LACTBL1: variants seen among roughly 807,000 people sequenced by gnomAD.
LACTBL1 encodes beta-lactamase-like protein 1.
Under a neutral mutation model 39.6 loss-of-function variants are expected in LACTBL1, and 29 were observed. The ratio of observed to expected loss-of-function variants is 0.73; its 90% CI spans 0.55 to 1.00. The LOEUF is 1.00. Ranked by LOEUF, LACTBL1 falls within the 50% of genes least tolerant of loss-of-function variation. LACTBL1 has a pLI of 0.00. For synonymous variants in LACTBL1, 361 were observed against 360.7 expected (o/e 1.00, Z -0.01); for missense variants, 711 against 748.5 (o/e 0.95, Z 0.59).
chr1:22,953,871 C>G, exon 6 of LACTBL1: 1 of 1,549,016 alleles, frequency 6.5e-7, no homozygotes, highest in Non-Finnish European at 8.7e-7. Flanking sequence ...CGGCCAGGCG[C>G]GCGCGCACGT....
chr1:22,969,477 T>A (rs1640915954), upstream of LACTBL1, among the ~76,000 whole-genome samples: 1 of 152,036 alleles, frequency 6.6e-6, no homozygotes, highest in Admixed American at 6.5e-5. Context: ...AACCCTGCAC[T>A]CTCTTCCACA....
chr1:22,958,508 T>C (rs921834997), intron 4 of LACTBL1, among the ~76,000 whole-genome samples, 177 bp downstream of exon 6: 1 of 152,242 alleles, frequency 6.6e-6, no homozygotes, highest in Non-Finnish European at 1.5e-5. Flanking sequence ...TCAGTTCAGC[T>C]TTTACCTCGA....
chr1:22,965,097 C>T (rs1041536551), intron 1 of LACTBL1, among the ~76,000 whole-genome samples, 193 bp downstream of exon 3: 1 of 152,118 alleles, frequency 6.6e-6, no homozygotes, highest in African/African-American at 2.4e-5. Context: ...ACGAGGACAT[C>T]GAGGCACAGA....
At chr1:22,967,923 G>A (rs2124242971), upstream of LACTBL1, among the ~76,000 whole-genome samples, 1 of 152,232 alleles carries the variant, frequency 6.6e-6, no homozygotes, top group East Asian at 1.9e-4. Context: ...CTGACTGGAT[G>A]AAAATAAAAC....
chr1:22,955,575 C>G (rs1018330626), intron 4 of LACTBL1, 149 bp from the exon 7 acceptor site: 1 of 611,212 alleles, frequency 1.6e-6, no homozygotes, highest in Non-Finnish European at 2.9e-6. Flanking sequence ...AGCGTGGACT[C>G]CAGTCCTGCC....
chr1:22,954,820 G>A (rs943383180), intron 5 of LACTBL1, among the ~76,000 whole-genome samples: 3 of 152,182 alleles, frequency 2.0e-5, no homozygotes, highest in African/African-American at 4.8e-5. Flanking sequence ...ACTGACCAGC[G>A]GCTCAGAAGG....
chr1:22,970,459 C>T, the LACTBL1 span, among the ~76,000 whole-genome samples: 1 of 152,080 alleles, frequency 6.6e-6, no homozygotes, highest in Non-Finnish European at 1.5e-5. Context: ...ATGAGGTAGA[C>T]TACAAAAGAG....
chr1:22,965,477 A>G, upstream of LACTBL1: 1 of 1,221,952 alleles, frequency 8.2e-7, no homozygotes, highest in Non-Finnish European at 1.0e-6. Flanking sequence ...AGTCAGAGGG[A>G]AGAGAGGGAC....
At chr1:22,954,197 C>T (rs1472760149) in intron 5 of LACTBL1, among the ~76,000 whole-genome samples, 173 bp from the exon 8 acceptor site, 1 of 152,206 alleles carries the variant, frequency 6.6e-6, no homozygotes, top group East Asian at 1.9e-4. Flanking sequence ...CTCTCTTCTA[C>T]ATCTGGGAAG....
chr1:22,959,998 C>A, exon 3 of LACTBL1: 1 of 1,551,150 alleles, frequency 6.4e-7, no homozygotes, highest in Non-Finnish European at 8.7e-7. Flanking sequence ...CATTCTTCTT[C>A]CCAAAGTTCC....
At chr1:22,953,338 C>T in exon 6 of LACTBL1, 1 of 1,229,434 alleles carries the variant, frequency 8.1e-7, no homozygotes, top group Non-Finnish European at 1.0e-6. Context: ...GCGCAGCTCG[C>T]CCGCCGGCCC....
At chr1:22,955,526 A>C in intron 4 of LACTBL1, 100 bp from the exon 7 acceptor site, 1 of 707,078 alleles carries the variant, frequency 1.4e-6, no homozygotes, top group Non-Finnish European at 2.4e-6. Flanking sequence ...TTGAGAGATA[A>C]CAACAACAAA....
chr1:22,963,897 G>C (rs753462947), intron 1 of LACTBL1, among the ~76,000 whole-genome samples: 7 of 152,094 alleles, frequency 4.6e-5, no homozygotes, highest in Non-Finnish European at 4.4e-5. Context: ...CCAAAACTGA[G>C]ACAAGGTCCC....
At chr1:22,953,683 A>G (rs1337036041) in exon 6 of LACTBL1, 1 of 1,294,496 alleles carries the variant, frequency 7.7e-7, no homozygotes, top group Non-Finnish European at 9.7e-7. Context: ...CGGGCAGGCC[A>G]GCAGCGGCGC....
chr1:22,960,940 C>T (rs1640815917), intron 2 of LACTBL1, among the ~76,000 whole-genome samples: 1 of 152,042 alleles, frequency 6.6e-6, no homozygotes, highest in African/African-American at 2.4e-5. Flanking sequence ...CTACCACACC[C>T]AGTTAATTTT....
At chr1:22,953,630 G>T in exon 6 of LACTBL1, 1 of 1,266,468 alleles carries the variant, frequency 7.9e-7, no homozygotes, top group Non-Finnish European at 9.9e-7. Flanking sequence ...CGCTGCGCGT[G>T]GAACTCCCAC....
At chr1:22,953,361 G>A (rs914816969) in exon 6 of LACTBL1, 22 of 1,228,754 alleles carry the variant, frequency 1.8e-5, no homozygotes, top group Non-Finnish European at 2.2e-5. Flanking sequence ...CGCGCACCTC[G>A]TAGAAGGTCA....
intron 2 of LACTBL1, among the ~76,000 whole-genome samples, chr1:22,961,272 G>A (rs1413143789): frequency 6.6e-6 from 1 of 152,212 alleles, no homozygotes; most frequent in African/African-American, 2.4e-5. Flanking sequence ...GAGCCTATGA[G>A]ATATGAGGTG....
At chr1:22,953,219 A>G in exon 6 of LACTBL1, 1 of 1,232,038 alleles carries the variant, frequency 8.1e-7, no homozygotes, top group Non-Finnish European at 1.0e-6. Flanking sequence ...GCGCAGGGGA[A>G]CTCGTGGGCC....
Sources: allele counts gnomAD v4.1 joint callset (sites outside exome capture counted in the v4.1 genomes callset), GRCh38; gene constraint gnomAD v4.1.1; transcripts MANE v1.5; gene names NCBI Gene and HGNC (gene_info 2026-07-23, HGNC 2026-07-21).